The following CORIN variants were observed in gnomAD, a reference collection of about 807,000 sequenced individuals.
CORIN encodes the protein atrial natriuretic peptide-converting enzyme.
A neutral mutation model predicts 125.3 loss-of-function variants in CORIN; 117 were observed. That is an observed-to-expected ratio of 0.93 (90% CI 0.80 to 1.09). The LOEUF is 1.09. CORIN is among the 50% of genes least tolerant of loss of function. The pLI, the probability that CORIN is intolerant of heterozygous loss-of-function variation, is 0.00. For missense variants in CORIN, 1,253 were observed against 1,306.7 expected (o/e 0.96, Z 0.63); for synonymous variants, 450 against 466.4 (o/e 0.96, Z 0.45).
intron 5 of CORIN, among the ~76,000 whole-genome samples, chr4:47,715,553 C>A (rs1032036131): frequency 6.6e-6 from 1 of 151,942 alleles, no homozygotes; most frequent in Non-Finnish European, 1.5e-5. Flanking sequence ...GAGCTGAGAT[C>A]GTGCCACAGC....
At chr4:47,729,424 T>C (rs1172274233) in intron 5 of CORIN, among the ~76,000 whole-genome samples, 1 of 152,182 alleles carries the variant, frequency 6.6e-6, no homozygotes, top group African/African-American at 2.4e-5. Context: ...AGACAGTTTC[T>C]GACAGCTGAT....
At chr4:47,723,498 G>C (rs1446858065) in intron 5 of CORIN, among the ~76,000 whole-genome samples, 1 of 152,112 alleles carries the variant, frequency 6.6e-6, no homozygotes, top group African/African-American at 2.4e-5. Flanking sequence ...CACTACAAAG[G>C]CTTTGAAAAC....
At chr4:47,757,870 ATATATATG>A (rs1560535317) in intron 4 of CORIN, among the ~76,000 whole-genome samples, 119 of 98,346 alleles carry the variant, frequency 1.2e-3, no homozygotes, top group African/African-American at 5.0e-3. Flanking sequence ...ATATATACAT[ATATATATG>A]TATATATATA....
chr4:47,722,319 AC>A (rs766391553), intron 5 of CORIN, among the ~76,000 whole-genome samples: 3 of 152,184 alleles, frequency 2.0e-5, no homozygotes, highest in Non-Finnish European at 2.9e-5. Context: ...CAATTTCCAC[AC>A]CCTTAAATTT....
intron 1 of CORIN, among the ~76,000 whole-genome samples, chr4:47,817,826 A>T (rs1388364811): frequency 1.3e-5 from 2 of 152,130 alleles, no homozygotes; most frequent in African/African-American, 4.8e-5. Context: ...CTATCACATG[A>T]TCCTAAGTTC....
At chr4:47,692,928 TC>T (rs1224117918) in intron 6 of CORIN, 41 bp downstream of exon 6, 1 of 1,415,414 alleles carries the variant, frequency 7.1e-7, no homozygotes, top group African/African-American at 1.4e-5. Context: ...GATTTGAGAA[TC>T]CCTGTCCACT....
At chr4:47,694,286 T>C (rs1560508612) in intron 5 of CORIN, among the ~76,000 whole-genome samples, 1 of 152,244 alleles carries the variant, frequency 6.6e-6, no homozygotes, top group African/African-American at 2.4e-5. Flanking sequence ...AAAGTAAGTT[T>C]ACTTTTTACT....
chr4:47,702,546 G>A (rs973812931), intron 5 of CORIN, among the ~76,000 whole-genome samples: 1 of 152,092 alleles, frequency 6.6e-6, no homozygotes, highest in African/African-American at 2.4e-5. Flanking sequence ...GGGCTATACT[G>A]TACAAATTGA....
At chr4:47,818,346 AC>A (rs1732362784) in intron 1 of CORIN, among the ~76,000 whole-genome samples, 1 of 152,190 alleles carries the variant, frequency 6.6e-6, no homozygotes, top group South Asian at 2.1e-4. Flanking sequence ...CAGGTCTAAT[AC>A]GCTTAAAGAG....
intron 6 of CORIN, among the ~76,000 whole-genome samples, chr4:47,687,631 C>T (rs1291997391): frequency 2.6e-5 from 4 of 152,184 alleles, no homozygotes; most frequent in African/African-American, 9.7e-5. Context: ...TTCTCAAAGG[C>T]TTCTTTCAAC....
At chr4:47,695,814 C>T (rs950093167) in intron 5 of CORIN, among the ~76,000 whole-genome samples, 24 of 152,166 alleles carry the variant, frequency 1.6e-4, no homozygotes, top group African/African-American at 5.3e-4. Flanking sequence ...TAAAGTACTA[C>T]AAACATATTT....
intron 5 of CORIN, among the ~76,000 whole-genome samples, chr4:47,732,037 G>C (rs1423429916): frequency 6.6e-6 from 1 of 152,130 alleles, no homozygotes; most frequent in African/African-American, 2.4e-5. Flanking sequence ...GAAGCTTAGG[G>C]AAGTGGAATA....
chr4:47,650,481 C>T (rs572073120), intron 13 of CORIN, among the ~76,000 whole-genome samples: 2 of 152,306 alleles, frequency 1.3e-5, no homozygotes, highest in South Asian at 2.1e-4. Flanking sequence ...TGACCCAAAT[C>T]GTGGAGGTAA....
At chr4:47,670,691 G>A (rs1477254180) in intron 10 of CORIN, among the ~76,000 whole-genome samples, 2 of 152,194 alleles carry the variant, frequency 1.3e-5, no homozygotes, top group Non-Finnish European at 1.5e-5. Context: ...GGAGGCAGGA[G>A]AGACATGCCC....
chr4:47,819,837 A>G (rs1732429918), intron 1 of CORIN, among the ~76,000 whole-genome samples: 1 of 152,198 alleles, frequency 6.6e-6, no homozygotes, highest in African/African-American at 2.4e-5. Context: ...TGAGACATCA[A>G]ATAAGCCAAA....
intron 4 of CORIN, among the ~76,000 whole-genome samples, chr4:47,745,386 T>A (rs1728616930): frequency 1.3e-5 from 2 of 152,218 alleles, no homozygotes; most frequent in Admixed American, 6.5e-5. Context: ...TAAAAGCATT[T>A]CAAATAGTTT....
In CORIN at chr4:47,729,030, C is replaced by G. The variant is rs1032204515; in HGVS notation, c.799+15372G>C. 3.3e-5 allele frequency among the ~76,000 whole-genome samples: 5 copies of G among 152,108 alleles called. 1 individual carries two copies. Among genetic ancestry groups the G allele is most frequent in the Non-Finnish European group, 7.4e-5 (5 of 68,014 alleles). On this transcript the variant is annotated intron_variant, in intron 5 of 21. Coordinates refer to ENST00000273857, the MANE Select transcript of CORIN (RefSeq NM_006587.4). The stretch of plus-strand genomic sequence containing the variant: ...GATCTATAAACAAGAATTACGGAGC[C>G]CGCAGAGAACAGGTAGTATTTAGGC...
chr4:47,635,851 G>C (rs996398240), intron 16 of CORIN, among the ~76,000 whole-genome samples: 17 of 152,198 alleles, frequency 1.1e-4, no homozygotes, highest in Admixed American at 1.1e-3. Context: ...GGCATATCTA[G>C]CTTCAAAAGC....
intron 4 of CORIN, among the ~76,000 whole-genome samples, chr4:47,749,022 C>A (rs892894900): frequency 6.6e-6 from 1 of 152,118 alleles, no homozygotes; most frequent in Non-Finnish European, 1.5e-5. Flanking sequence ...CATTTAGGAT[C>A]CCACATTGCA....
Sources: gnomAD v4.1 joint callset for allele counts (sites outside exome capture counted in the v4.1 genomes callset) on GRCh38, gnomAD v4.1.1 for gene constraint, MANE v1.5 for transcripts, NCBI Gene and HGNC (gene_info 2026-07-23, HGNC 2026-07-21) for gene names.